APBB1IP: variants seen among roughly 807,000 people sequenced by gnomAD.
APBB1IP encodes the protein amyloid beta A4 precursor protein-binding family B member 1-interacting protein.
APBB1IP carries 27 observed loss-of-function variants against 64.9 expected under a neutral mutation model. The observed-to-expected ratio is 0.42, with a 90% confidence interval of 0.31 to 0.57. The LOEUF is 0.57. Ranked by LOEUF, APBB1IP falls within the 20% of genes least tolerant of loss-of-function variation. The pLI is 0.20. For synonymous variants in APBB1IP, 392 were observed against 331.0 expected (o/e 1.18, Z -2.00); for missense variants, 812 against 845.5 (o/e 0.96, Z 0.49).
chr10:26,545,649 A>C (rs1044328597), intron 11 of APBB1IP, among the ~76,000 whole-genome samples: 2 of 151,852 alleles, frequency 1.3e-5, no homozygotes, highest in African/African-American at 2.4e-5. Flanking sequence ...AGTCCCAGCT[A>C]CTCGAGAGGC....
chr10:26,449,685 G>T (rs1835443272), intron 2 of APBB1IP, among the ~76,000 whole-genome samples: 1 of 152,146 alleles, frequency 6.6e-6, no homozygotes, highest in African/African-American at 2.4e-5. Flanking sequence ...CTCCAATATA[G>T]TTGTCAAATT....
At chr10:26,535,308 T>C (rs2488350) in intron 9 of APBB1IP, among the ~76,000 whole-genome samples, 69,347 of 151,892 alleles carry the variant, frequency 0.46, 16,231 homozygotes, top group East Asian at 0.61. Context: ...TTATTTTTAT[T>C]CTTTTTATTT....
intron 10 of APBB1IP, among the ~76,000 whole-genome samples, chr10:26,538,223 T>C (rs957241897): frequency 6.6e-6 from 1 of 152,122 alleles, no homozygotes; most frequent in Non-Finnish European, 1.5e-5. Flanking sequence ...AAAGAATCCA[T>C]GCAGACTAGA....
intron 5 of APBB1IP, 109 bp downstream of exon 5, chr10:26,501,220 G>A (rs775688434): frequency 1.3e-6 from 2 of 1,502,362 alleles, no homozygotes; most frequent in Non-Finnish European, 1.8e-6. Flanking sequence ...AAAGATCTGA[G>A]ATACTAAAAA....
chr10:26,555,880 T>G (rs1192891855), intron 11 of APBB1IP, among the ~76,000 whole-genome samples: 1 of 152,218 alleles, frequency 6.6e-6, no homozygotes, highest in East Asian at 1.9e-4. Flanking sequence ...ATTACAGGTG[T>G]GAGCCACGGG....
At chr10:26,466,934 GAA>G (rs113933686) in intron 2 of APBB1IP, among the ~76,000 whole-genome samples, 1 of 144,972 alleles carries the variant, frequency 6.9e-6, no homozygotes, top group African/African-American at 2.5e-5. Context: ...AGACCCTATG[GAA>G]AAAAAAAAAA....
intron 8 of APBB1IP, 72 bp from the exon 9 acceptor site, chr10:26,533,367 A>G (rs1446555386): frequency 2.0e-5 from 17 of 848,256 alleles, no homozygotes; most frequent in Non-Finnish European, 2.3e-5. Context: ...TTCCAGCAAG[A>G]CTGTGAGTTC....
Position 26,567,646 on chromosome 10 carries a change from AG to A in APBB1IP, c.*159del, listed in dbSNP as rs1837075230. On this transcript the variant is annotated 3_prime_UTR_variant, in exon 15 of 15. Transcript: ENST00000376236. ...GTACAGGCATAACCATTAACCCAGT[AG>A]AGTTCAGAATATCTGCCCAAATGTA... 7.2e-7 allele frequency: 1 copy of A among 1,390,524 alleles called. No homozygotes were observed. 86.1% of individuals were successfully genotyped at this position (1,390,524 alleles called of 1,614,324 possible).
In APBB1IP at chr10:26,457,101, A is replaced by T. The variant is rs550488726; in HGVS notation, c.-1+18248A>T. On this transcript the variant is annotated intron_variant, in intron 2 of 14. Coordinates refer to ENST00000376236, the MANE Select transcript of APBB1IP (RefSeq NM_019043.4). ...CAAGAGAGGGATACTATCTGAAAAGAGGAGTCCTTGTGTCCAAGTGGCTCC... is the reference window on the plus strand; with the variant it reads ...CAAGAGAGGGATACTATCTGAAAAGTGGAGTCCTTGTGTCCAAGTGGCTCC... Among the ~76,000 whole-genome samples the T allele has an allele frequency of 4.6e-5, 7 of 152,286 alleles. No homozygotes were observed. In the East Asian group the frequency reaches 1.3e-3, roughly 29 times the overall value.
intron 8 of APBB1IP, among the ~76,000 whole-genome samples, chr10:26,524,774 A>G (rs1334982419): frequency 6.6e-6 from 1 of 152,058 alleles, no homozygotes. Flanking sequence ...GCTGTCTCTT[A>G]TGTGATACTA....
chr10:26,534,340 A>G (rs11015154), intron 9 of APBB1IP, among the ~76,000 whole-genome samples: 35,134 of 149,574 alleles, frequency 0.23, 4,885 homozygotes, highest in Middle Eastern at 0.32. Context: ...TTCGCAGCAC[A>G]TAACGCAGTT....
At chr10:26,562,894 T>C (rs558618118) in intron 14 of APBB1IP, among the ~76,000 whole-genome samples, 6 of 152,336 alleles carry the variant, frequency 3.9e-5, no homozygotes, top group African/African-American at 1.4e-4. Flanking sequence ...ATATTTGTAA[T>C]CTTAAAGTTA....
chr10:26,466,272 G>A (rs758694772), intron 2 of APBB1IP, among the ~76,000 whole-genome samples: 3 of 152,156 alleles, frequency 2.0e-5, no homozygotes, highest in Non-Finnish European at 4.4e-5. Context: ...CAGATAGGTG[G>A]CTTTTGATGG....
intron 2 of APBB1IP, among the ~76,000 whole-genome samples, chr10:26,487,586 G>A (rs181937186): frequency 1.3e-5 from 2 of 152,202 alleles, no homozygotes; most frequent in East Asian, 1.9e-4. Context: ...TGAAAGGGCA[G>A]GGGAAAGGGC....
At chr10:26,528,264 G>A (rs1836503771) in intron 8 of APBB1IP, among the ~76,000 whole-genome samples, 1 of 152,174 alleles carries the variant, frequency 6.6e-6, no homozygotes, top group South Asian at 2.1e-4. Context: ...GGGAGCGATG[G>A]TCTGATCTTC....
intron 2 of APBB1IP, among the ~76,000 whole-genome samples, chr10:26,471,873 T>C (rs1010742842): frequency 3.9e-5 from 6 of 152,062 alleles, no homozygotes; most frequent in Non-Finnish European, 8.8e-5. Context: ...TTAGTAGAGA[T>C]GGGGTTTCAC....
At chr10:26,489,420 C>A (rs1461988799) in intron 2 of APBB1IP, among the ~76,000 whole-genome samples, 1 of 152,092 alleles carries the variant, frequency 6.6e-6, no homozygotes, top group African/African-American at 2.4e-5. Flanking sequence ...AAAAATTAAG[C>A]AAGAAGATTT....
chr10:26,491,042 G>A (rs1182735564), intron 2 of APBB1IP, among the ~76,000 whole-genome samples: 1 of 152,172 alleles, frequency 6.6e-6, no homozygotes, highest in Non-Finnish European at 1.5e-5. Context: ...ACTTTGGGAA[G>A]TCGAGGCGAG....
At chr10:26,550,122 G>A (rs1836812740) in intron 11 of APBB1IP, among the ~76,000 whole-genome samples, 1 of 151,678 alleles carries the variant, frequency 6.6e-6, no homozygotes, top group African/African-American at 2.4e-5. Context: ...CTGCTGCCAG[G>A]CATATTAGAA....
Sources: gnomAD v4.1 joint callset for allele counts (sites outside exome capture counted in the v4.1 genomes callset) on GRCh38, gnomAD v4.1.1 for gene constraint, MANE v1.5 for transcripts, NCBI Gene and HGNC (gene_info 2026-07-23, HGNC 2026-07-21) for gene names.